SIRPD: variants seen among roughly 807,000 people sequenced by gnomAD.
SIRPD encodes signal-regulatory protein delta.
In SIRPD, 21 loss-of-function variants were observed where a neutral mutation model predicts 18.0. That is an observed-to-expected ratio of 1.17 (90% confidence interval 0.83 to 1.68). SIRPD has a LOEUF of 1.68. Among genes scored for constraint, SIRPD ranks in the 40% most tolerant of loss-of-function variants. SIRPD has a pLI of 0.00. For synonymous variants in SIRPD, 106 were observed against 92.9 expected (o/e 1.14, Z -0.81); for missense variants, 295 against 238.4 (o/e 1.24, Z -1.56).
Position 1,544,826 on chromosome 20 carries a change from A to C in SIRPD, c.421+6865T>G, listed in dbSNP as rs112293008. Among the ~76,000 whole-genome samples, 1,389 of 151,716 alleles carry C rather than the reference A, an allele frequency of 9.2e-3. 22 individuals are homozygous for C. The highest frequency in any genetic ancestry group is 0.033 in the African/African-American group (1,356 of 41,478). ...AAGGCAGGCCTGGTGGTGACAAAAT[A>C]TCTGCATTTGCTTGTCTGTAAAGGA... is the stretch of plus-strand genomic sequence containing the variant. On this transcript the variant is annotated intron_variant, in intron 2 of 3. Transcript: ENST00000381623.
At chr20:1,555,913 GGGGGTTTGACT>G (rs2091038721) in intron 1 of SIRPD, among the ~76,000 whole-genome samples, 1 of 152,152 alleles carries the variant, frequency 6.6e-6, no homozygotes, top group African/African-American at 2.4e-5. Context: ...GTTCTCATCT[GGGGGTTTGACT>G]GGGGAAGTGT....
rs180762117 is a variant in SIRPD at position 1,538,300 on chromosome 20, T to C, written c.422-990A>G. Among the ~76,000 whole-genome samples, 25 of 152,268 alleles carry C rather than the reference T, an allele frequency of 1.6e-4. No individual in the cohort carries two copies. In the East Asian group the frequency reaches 4.8e-3, roughly 29 times the overall value. ...TGATTGCTCTGTAGCATGATGAGTGTCCCTCTCCCCTCGACACCTTATTCT... is the reference window on the plus strand; with the variant it reads ...TGATTGCTCTGTAGCATGATGAGTGCCCCTCTCCCCTCGACACCTTATTCT... On this transcript the variant is annotated intron_variant, in intron 2 of 3. Coordinates refer to ENST00000381623, the MANE Select transcript of SIRPD (RefSeq NM_178460.3).
Position 1,535,228 on chromosome 20 carries a change from T to C in SIRPD, c.578-787A>G, listed in dbSNP as rs539136772. 2.6e-5 allele frequency among the ~76,000 whole-genome samples: 4 copies of C among 152,304 alleles called. 1 individual carries two copies. In the East Asian group the frequency reaches 5.8e-4, roughly 22 times the overall value. ...CCACCATATTTTGTGTAATCTTATT[T>C]TTGTTAAAAGTTCGATGTATCTAGA... On this transcript the variant is annotated intron_variant, in intron 3 of 3. Coordinates refer to ENST00000381623, the MANE Select transcript of SIRPD (RefSeq NM_178460.3).
intron 3 of SIRPD, among the ~76,000 whole-genome samples, chr20:1,534,916 C>T (rs1261757770): frequency 6.6e-6 from 1 of 152,160 alleles, no homozygotes; most frequent in African/African-American, 2.4e-5. Context: ...AGTAATTCCT[C>T]TTTGACGGCC....
chr20:1,537,083 G>T, intron 3 of SIRPD, 72 bp downstream of exon 3: 7 of 1,557,056 alleles, frequency 4.5e-6, no homozygotes, highest in Non-Finnish European at 6.1e-6. Context: ...CACTGCAGGT[G>T]GCGAAATGGT....
intron 2 of SIRPD, among the ~76,000 whole-genome samples, chr20:1,544,061 T>C (rs778937046): frequency 1.1e-4 from 16 of 152,218 alleles, no homozygotes; most frequent in Non-Finnish European, 2.4e-4. Context: ...AAGTGAGATA[T>C]GGTGCTGAGA....
Position 1,537,203 on chromosome 20 carries a change from T to C in SIRPD, c.529A>G (p.Asn177Asp). 1.9e-6 allele frequency: 3 copies of C among 1,614,058 alleles called. No individual in the cohort carries two copies. Among genetic ancestry groups the C allele is most frequent in the Non-Finnish European group, 2.5e-6 (3 of 1,179,980 alleles). The change falls in exon 3 of 4, where the codon AAC becomes GAC. Residue 177 changes from asparagine to aspartate, a missense_variant. Coordinates refer to ENST00000381623, the MANE Select transcript of SIRPD (RefSeq NM_178460.3). ...CAGCAGCAGGGTTGGACGAAATAGT[T>C]TGTGCTGTTTCTCTCAGGCAGGGCC... Reference protein sequence around the residue: ...LSALPERNSTNYFVQPCCCLR... With the variant: ...LSALPERNSTDYFVQPCCCLR...
intron 2 of SIRPD, among the ~76,000 whole-genome samples, chr20:1,549,424 C>T (rs1379915719): frequency 6.6e-6 from 1 of 150,842 alleles, no homozygotes; most frequent in Non-Finnish European, 1.5e-5. Flanking sequence ...TGTTCTATTG[C>T]ATGTCTCACT....
chr20:1,552,935 C>A (rs757449203), intron 1 of SIRPD, among the ~76,000 whole-genome samples: 8 of 152,114 alleles, frequency 5.3e-5, no homozygotes, highest in Non-Finnish European at 1.0e-4. Context: ...GGAAACATTA[C>A]TGGGAAGGTC....
At position 1,551,773 on chromosome 20, in the gene SIRPD, G is replaced by A; in HGVS notation, c.339C>T (p.Gly113=). The A allele has an allele frequency of 6.2e-7, 1 of 1,614,088 alleles. No homozygotes were observed. The change falls in exon 2 of 4, where the codon GGC becomes GGT. Residue 113 remains glycine, a synonymous_variant. Coordinates refer to ENST00000381623, the MANE Select transcript of SIRPD (RefSeq NM_178460.3). ...RIREISLADA[G]TYYCVKFIKG... ...TTATGAACTTCACGCAGTAATAGGT[G>A]CCAGCATCAGCAAGAGAGATTTCAC... is the stretch of plus-strand genomic sequence containing the variant.
chr20:1,542,546 G>C (rs6042877), intron 2 of SIRPD, among the ~76,000 whole-genome samples: 8,348 of 152,214 alleles, frequency 0.055, 262 homozygotes, highest in Non-Finnish European at 0.075. Context: ...GGGCTGAGAT[G>C]ATGAGGTTTT....
intron 2 of SIRPD, among the ~76,000 whole-genome samples, chr20:1,547,984 G>C (rs1034713529): frequency 1.3e-5 from 2 of 152,074 alleles, no homozygotes; most frequent in African/African-American, 4.8e-5. Context: ...TTTTTTAGTG[G>C]GTTCCTTAGG....
intron 1 of SIRPD, among the ~76,000 whole-genome samples, chr20:1,552,454 C>A (rs1033768395): frequency 2.6e-5 from 4 of 152,176 alleles, no homozygotes; most frequent in African/African-American, 9.7e-5. Flanking sequence ...TTCCTCTCTC[C>A]TCTGAAGGGT....
chr20:1,543,282 G>C (rs2090979983), intron 2 of SIRPD, among the ~76,000 whole-genome samples: 1 of 152,128 alleles, frequency 6.6e-6, no homozygotes, highest in South Asian at 2.1e-4. Flanking sequence ...GGGTTGGCAG[G>C]CTATTAATTA....
rs1474214918 is a variant in SIRPD at position 1,551,673 on chromosome 20, T to C, written c.421+18A>G. 6.3e-7 allele frequency: 1 copy of C among 1,587,002 alleles called. No homozygotes were observed. Among genetic ancestry groups the C allele is most frequent in the Non-Finnish European group, 8.6e-7 (1 of 1,159,692 alleles). Reference sequence around the variant, plus strand: ...ATATTATACACCAGGGGGTATGGGGTATAGGAGACATACTCACCAGTAACA... The same window carrying C: ...ATATTATACACCAGGGGGTATGGGGCATAGGAGACATACTCACCAGTAACA... On this transcript the variant is annotated intron_variant, in intron 2 of 3. Coordinates refer to ENST00000381623, the MANE Select transcript of SIRPD (RefSeq NM_178460.3).
chr20:1,549,792 A>G (rs1443400784), intron 2 of SIRPD, among the ~76,000 whole-genome samples: 1 of 152,056 alleles, frequency 6.6e-6, no homozygotes, highest in Non-Finnish European at 1.5e-5. Context: ...TTGTGCTGTT[A>G]TGCCACCCAT....
intron 3 of SIRPD, among the ~76,000 whole-genome samples, chr20:1,535,723 G>A (rs902189440): frequency 2.0e-5 from 3 of 152,170 alleles, no homozygotes; most frequent in African/African-American, 7.2e-5. Context: ...TCTATTCTAA[G>A]CAACAGAAAA....
At chr20:1,537,549 C>G (rs186316820) in intron 2 of SIRPD, among the ~76,000 whole-genome samples, 1 of 152,148 alleles carries the variant, frequency 6.6e-6, no homozygotes, top group Admixed American at 6.5e-5. Flanking sequence ...TGCTGGTGAC[C>G]CTTCCTCATC....
At chr20:1,548,460 C>T (rs2091003881) in intron 2 of SIRPD, among the ~76,000 whole-genome samples, 2 of 151,904 alleles carry the variant, frequency 1.3e-5, no homozygotes, top group South Asian at 4.2e-4. Context: ...GGGATAAATC[C>T]CACTTGGTCA....
Sources: gnomAD v4.1 joint callset for allele counts (sites outside exome capture counted in the v4.1 genomes callset) on GRCh38, gnomAD v4.1.1 for gene constraint, MANE v1.5 for transcripts, NCBI Gene and HGNC (gene_info 2026-07-23, HGNC 2026-07-21) for gene names.